The following MAGI2 variants were observed in gnomAD, a reference collection of about 807,000 sequenced individuals.
The protein encoded by MAGI2 is membrane-associated guanylate kinase, WW and PDZ domain-containing protein 2.
A neutral mutation model predicts 133.3 loss-of-function variants in MAGI2; 35 were observed. The observed-to-expected ratio is 0.26, with a 90% confidence interval of 0.20 to 0.35. MAGI2 has a LOEUF of 0.35. Among genes scored for constraint, MAGI2 ranks in the 10% least tolerant of loss-of-function variants. The pLI, the probability that MAGI2 is intolerant of heterozygous loss-of-function variation, is 1.00. For missense variants in MAGI2, 1,636 were observed against 1,863.4 expected (o/e 0.88, Z 2.25); for synonymous variants, 729 against 710.6 (o/e 1.03, Z -0.41).
At chr7:78,540,233 C>T (rs930337203) in intron 3 of MAGI2, among the ~76,000 whole-genome samples, 18 of 152,320 alleles carry the variant, frequency 1.2e-4, no homozygotes, top group Admixed American at 9.8e-4. Flanking sequence ...TGAGCTCAGC[C>T]TGTCCTTGAG....
intron 1 of MAGI2, among the ~76,000 whole-genome samples, chr7:79,325,811 G>A (rs935295664): frequency 6.6e-6 from 1 of 152,106 alleles, no homozygotes; most frequent in African/African-American, 2.4e-5. Flanking sequence ...ACATTCATAG[G>A]AAGGCATTAT....
intron 9 of MAGI2, among the ~76,000 whole-genome samples, chr7:78,338,621 A>T (rs2151171484): frequency 6.6e-6 from 1 of 152,330 alleles, no homozygotes; most frequent in South Asian, 2.1e-4. Context: ...ATATTTGCTG[A>T]ATTGAACTGA....
chr7:78,239,029 C>G (rs1790855466), intron 10 of MAGI2, among the ~76,000 whole-genome samples: 1 of 147,096 alleles, frequency 6.8e-6, no homozygotes, highest in Non-Finnish European at 1.5e-5. Flanking sequence ...CTTCTGCTTG[C>G]ATGGGCAATT....
intron 1 of MAGI2, among the ~76,000 whole-genome samples, chr7:79,138,247 A>G (rs570711764): frequency 1.3e-5 from 2 of 152,208 alleles, no homozygotes; most frequent in Admixed American, 6.5e-5. Context: ...AAACAAATAC[A>G]GACCAGGCTC....
At chr7:78,132,068 T>C (rs1178898240) in intron 18 of MAGI2, among the ~76,000 whole-genome samples, 2 of 152,008 alleles carry the variant, frequency 1.3e-5, no homozygotes, top group Non-Finnish European at 2.9e-5. Flanking sequence ...AGAGGTGGGG[T>C]TTCACCACGT....
At chr7:78,166,245 C>A (rs1290087934) in intron 15 of MAGI2, among the ~76,000 whole-genome samples, 1 of 152,156 alleles carries the variant, frequency 6.6e-6, no homozygotes, top group Non-Finnish European at 1.5e-5. Flanking sequence ...ACAAGGGGAG[C>A]ATGAAATTAT....
intron 1 of MAGI2, among the ~76,000 whole-genome samples, chr7:79,189,104 T>A (rs970574849): frequency 2.0e-5 from 3 of 151,806 alleles, no homozygotes; most frequent in Non-Finnish European, 4.4e-5. Flanking sequence ...AATTTATCTA[T>A]CTCCTTGATA....
intron 1 of MAGI2, among the ~76,000 whole-genome samples, chr7:79,171,840 T>C (rs1014089462): frequency 6.8e-6 from 1 of 146,904 alleles, no homozygotes; most frequent in African/African-American, 2.5e-5. Context: ...CAAACACATG[T>C]TGACACCTAT....
chr7:78,776,024 G>C (rs900404843), intron 2 of MAGI2, among the ~76,000 whole-genome samples: 4 of 152,182 alleles, frequency 2.6e-5, no homozygotes, highest in African/African-American at 9.7e-5. Flanking sequence ...TTTGTGGGCT[G>C]TGTGACCAAA....
chr7:79,042,830 A>G (rs139046572), intron 1 of MAGI2, among the ~76,000 whole-genome samples: 27 of 152,256 alleles, frequency 1.8e-4, no homozygotes, highest in African/African-American at 6.3e-4. Context: ...CAGCCACATA[A>G]TTGGCCATAA....
At position 78,663,490 on chromosome 7, in the gene MAGI2, C is replaced by T. The variant is rs918304982; in HGVS notation, c.419-36251G>A. ...AAAGTGCTGAGACTACAGGCGTGAG[C>T]CACTGTGCCCCGCCATTTGTACCAA... On this transcript the variant is annotated intron_variant, in intron 2 of 21. Coordinates refer to ENST00000354212, the MANE Select transcript of MAGI2 (RefSeq NM_012301.4). Among the ~76,000 whole-genome samples, 4 of 152,204 alleles carry T rather than the reference C, an allele frequency of 2.6e-5. No individual in the cohort carries two copies. The East Asian group carries it at 7.8e-4, about 30-fold the overall frequency.
chr7:78,804,176 TCAGTG>T lies in MAGI2; in HGVS notation c.419-176942_419-176938del, dbSNP rs1788313690. Among the ~76,000 whole-genome samples, 3 of 152,240 alleles carry T rather than the reference TCAGTG, an allele frequency of 2.0e-5. No individual in the cohort carries two copies. In the South Asian group the frequency reaches 6.2e-4, roughly 32 times the overall value. On this transcript the variant is annotated intron_variant, in intron 2 of 21. Coordinates refer to ENST00000354212, the MANE Select transcript of MAGI2 (RefSeq NM_012301.4). ...ACAAGTACTACGTTTTCCAATATTT[TCAGTG>T]CAGTCTGAGTCAGTGACTGGAAATG...
chr7:78,078,175 T>A (rs182211579), intron 21 of MAGI2: 1 of 152,478 alleles, frequency 6.6e-6, no homozygotes, highest in Admixed American at 6.5e-5. Context: ...GTCTGATGTG[T>A]CTGTATGCCC....
chr7:79,424,648 ACAT>A (rs1776734964), intron 1 of MAGI2, among the ~76,000 whole-genome samples: 1 of 152,188 alleles, frequency 6.6e-6, no homozygotes, highest in Non-Finnish European at 1.5e-5. Context: ...ATACTTCAAA[ACAT>A]CATATTGTAC....
At chr7:79,174,897 T>C (rs1825958158) in intron 1 of MAGI2, among the ~76,000 whole-genome samples, 1 of 151,920 alleles carries the variant, frequency 6.6e-6, no homozygotes, top group Non-Finnish European at 1.5e-5. Context: ...ATAAATACTG[T>C]CTGTGGCAAT....
At chr7:78,595,738 G>A (rs1413030349) in intron 3 of MAGI2, among the ~76,000 whole-genome samples, 2 of 152,162 alleles carry the variant, frequency 1.3e-5, no homozygotes, top group African/African-American at 2.4e-5. Context: ...GGTCCTCAGA[G>A]CCTGGTGGGT....
At chr7:78,460,994 T>C (rs570920399) in intron 6 of MAGI2, among the ~76,000 whole-genome samples, 1 of 151,990 alleles carries the variant, frequency 6.6e-6, no homozygotes, top group Admixed American at 6.6e-5. Flanking sequence ...TTTTAAAAAA[T>C]CTTTCCTGGC....
chr7:79,261,300 G>A (rs1028183378), intron 1 of MAGI2, among the ~76,000 whole-genome samples: 1 of 152,128 alleles, frequency 6.6e-6, no homozygotes, highest in African/African-American at 2.4e-5. Context: ...GACACACCAG[G>A]GTTTCCCCTG....
intron 1 of MAGI2, among the ~76,000 whole-genome samples, chr7:79,044,939 AGGAAAATC>A (rs1812034974): frequency 6.6e-6 from 1 of 152,242 alleles, no homozygotes; most frequent in African/African-American, 2.4e-5. Context: ...TATTTACCTG[AGGAAAATC>A]AAGAGAACAA....
Sources: gnomAD v4.1 joint callset for allele counts (sites outside exome capture counted in the v4.1 genomes callset) on GRCh38, gnomAD v4.1.1 for gene constraint, MANE v1.5 for transcripts, NCBI Gene and HGNC (gene_info 2026-07-23, HGNC 2026-07-21) for gene names.